KCTD1: variants seen among roughly 807,000 people sequenced by gnomAD.
KCTD1 encodes the protein BTB/POZ domain-containing protein KCTD1.
Under a neutral mutation model 66.0 loss-of-function variants are expected in KCTD1, and 24 were observed. The observed-to-expected ratio is 0.36, with a 90% CI of 0.26 to 0.51. KCTD1 has a LOEUF of 0.51. KCTD1 is among the 20% of genes least tolerant of loss of function. The pLI, the probability that KCTD1 is intolerant of heterozygous loss-of-function variation, is 0.95. For synonymous variants in KCTD1, 511 were observed against 517.2 expected, an observed-to-expected ratio of 0.99 and a Z score of 0.16; for missense variants, 943 against 1,205.2, an observed-to-expected ratio of 0.78 and a Z score of 3.22.
chr18:26,494,666 G>A (rs1982374854), intron 2 of KCTD1, among the ~76,000 whole-genome samples: 1 of 152,100 alleles, frequency 6.6e-6, no homozygotes, highest in Admixed American at 6.6e-5. Flanking sequence ...TAACTGAGGA[G>A]CAATTTTGGA....
intron 1 of KCTD1, among the ~76,000 whole-genome samples, chr18:26,597,851 A>T (rs1419755788): frequency 6.6e-6 from 1 of 152,174 alleles, no homozygotes; most frequent in Non-Finnish European, 1.5e-5. Context: ...ACAGGGTATC[A>T]TCGTGTTAGC....
At chr18:26,519,967 C>T (rs748600780) in intron 1 of KCTD1, among the ~76,000 whole-genome samples, 4 of 152,182 alleles carry the variant, frequency 2.6e-5, no homozygotes, top group Non-Finnish European at 5.9e-5. Flanking sequence ...ACAGCTCTAG[C>T]GAGAGCCTAT....
chr18:26,646,999 G>C (rs1472559214), intron 1 of KCTD1, among the ~76,000 whole-genome samples: 1 of 152,058 alleles, frequency 6.6e-6, no homozygotes, highest in Admixed American at 6.6e-5. Flanking sequence ...ATACATGATT[G>C]GTCAGGTCTC....
intron 1 of KCTD1, among the ~76,000 whole-genome samples, chr18:26,621,681 T>A (rs1485757690): frequency 6.6e-6 from 1 of 152,228 alleles, no homozygotes; most frequent in South Asian, 2.1e-4. Context: ...TCTTTGCTAA[T>A]GGTATTCTTT....
intron 1 of KCTD1, among the ~76,000 whole-genome samples, chr18:26,546,326 T>C (rs931774666): frequency 2.0e-5 from 3 of 152,150 alleles, no homozygotes; most frequent in African/African-American, 4.8e-5. Context: ...GAATACGTAA[T>C]AGAGTCTTTT....
At chr18:26,556,310 C>T (rs551677421) in intron 1 of KCTD1, among the ~76,000 whole-genome samples, 21 of 152,214 alleles carry the variant, frequency 1.4e-4, no homozygotes, top group African/African-American at 4.8e-4. Context: ...GTTTGCAGAG[C>T]CAGGGCATCA....
At chr18:26,577,911 G>A (rs527945728) in intron 1 of KCTD1, among the ~76,000 whole-genome samples, 48 of 152,186 alleles carry the variant, frequency 3.2e-4, no homozygotes, top group African/African-American at 1.1e-3. Context: ...AAATACAATG[G>A]TGTCTGTGAT....
At chr18:26,655,516 C>G (rs935598804) in intron 1 of KCTD1, among the ~76,000 whole-genome samples, 2 of 152,176 alleles carry the variant, frequency 1.3e-5, no homozygotes, top group African/African-American at 4.8e-5. Flanking sequence ...GTTCTATTAT[C>G]TAAAAGGTAA....
At chr18:26,627,291 TG>T (rs1987523159) in intron 1 of KCTD1, among the ~76,000 whole-genome samples, 1 of 151,198 alleles carries the variant, frequency 6.6e-6, no homozygotes, top group Non-Finnish European at 1.5e-5. Flanking sequence ...TGTGTGTGTG[TG>T]TGTGTGTGTG....
At chr18:26,537,944 T>G (rs1984787496) in intron 1 of KCTD1, among the ~76,000 whole-genome samples, 1 of 152,222 alleles carries the variant, frequency 6.6e-6, no homozygotes, top group African/African-American at 2.4e-5. Context: ...AGTGCTAATT[T>G]TTTAGCACTA....
chr18:26,481,867 A>T (rs1013154169), intron 2 of KCTD1, among the ~76,000 whole-genome samples: 6 of 152,098 alleles, frequency 3.9e-5, no homozygotes, highest in African/African-American at 7.2e-5. Context: ...ATTTTTTTTA[A>T]AAAAAACTCT....
At chr18:26,613,063 G>A (rs577157788) in intron 1 of KCTD1, among the ~76,000 whole-genome samples, 1 of 152,300 alleles carries the variant, frequency 6.6e-6, no homozygotes, top group South Asian at 2.1e-4. Context: ...TGAGACCAGA[G>A]ACCTTTGTGC....
At chr18:26,653,518 C>T (rs892321666) in intron 1 of KCTD1, among the ~76,000 whole-genome samples, 2 of 152,188 alleles carry the variant, frequency 1.3e-5, no homozygotes, top group African/African-American at 2.4e-5. Context: ...TTCAGTTATT[C>T]GATGAATGTC....
chr18:26,472,441 A>G (rs1481773941), intron 3 of KCTD1, among the ~76,000 whole-genome samples: 1 of 152,180 alleles, frequency 6.6e-6, no homozygotes, highest in Non-Finnish European at 1.5e-5. Context: ...TTAATGACTT[A>G]AGTCATATGT....
rs139319145 is a variant in KCTD1 at position 26,455,808 on chromosome 18, G to A, written c.2533C>T (p.Arg845Trp). The A allele has an allele frequency of 2.2e-5, 35 of 1,614,004 alleles. No homozygotes were observed. In the African/African-American group the frequency reaches 3.6e-4, roughly 17 times the overall value. Residue 845 changes from arginine (R) to tryptophan (W), a missense_variant, in exon 5 of 5, where the codon CGG becomes TGG. Coordinates refer to ENST00000580059, the MANE Select transcript of KCTD1 (RefSeq NM_001142730.3). ...SSQFSEYVLRRELRRTPRVPS... is the reference protein window; with the variant it reads ...SSQFSEYVLRWELRRTPRVPS... ...ACACGGGGCGTCCGCCTCAGTTCCC[G>A]CCGAAGGACGTATTCGCTGAACTGG...
rs1208202853 is a variant in KCTD1 at position 26,548,371 on chromosome 18, C to T, written c.166G>A (p.Glu56Lys). Residue 56 changes from glutamate to lysine, a missense_variant, in exon 1 of 5, where the codon GAG becomes AAG. Transcript: ENST00000580059. ...TCCTCCTCCTCCTCTTCCTCCTCCT[C>T]CTCGCCCGCGCTGCAGTAGTGCGGA... The part of the protein sequence containing the change: ...SRPHYCSAGE[E>K]EEEEEEEDEI... The T allele has an allele frequency of 1.4e-6, 2 of 1,481,252 alleles. No homozygotes were observed. Among genetic ancestry groups the T allele is most frequent in the Non-Finnish European group, 1.8e-6 (2 of 1,117,190 alleles). The allele number at this position is 1,481,252 out of a possible 1,614,324, so 91.8% of individuals were successfully genotyped here. A position where few individuals can be genotyped will look rare whatever the true frequency, so the allele number is the denominator to read the frequency against.
At chr18:26,636,648 G>A (rs952163965) in intron 1 of KCTD1, among the ~76,000 whole-genome samples, 16 of 152,222 alleles carry the variant, frequency 1.1e-4, no homozygotes, top group South Asian at 4.1e-4. Flanking sequence ...ATACCTGAGC[G>A]TTGGGGTCAT....
intron 1 of KCTD1, among the ~76,000 whole-genome samples, chr18:26,616,141 C>A (rs980568447): frequency 7.2e-6 from 1 of 138,112 alleles, no homozygotes; most frequent in African/African-American, 2.7e-5. Flanking sequence ...TTAAGTGTTT[C>A]TTTTTTTTTT....
rs61521451 is a variant in KCTD1 at position 26,601,326 on chromosome 18, T to TAAAAAAA, written c.-16+27814_-16+27820dup. ...GCCAGTAAATAAAAGTGTTCATTGG[T>TAAAAAAA]AAAAAAAAAAAAAAAAAAAAAAAGA... On this transcript the variant is annotated intron_variant, in intron 1 of 4. Transcript: ENST00000317932. Among the ~76,000 whole-genome samples, 100 of 93,254 alleles carry TAAAAAAA rather than the reference T, an allele frequency of 1.1e-3. 1 individual carries two copies. Among genetic ancestry groups the TAAAAAAA allele is most frequent in the African/African-American group, 3.8e-3 (89 of 23,298 alleles). 61.2% of individuals were successfully genotyped at this position (93,254 alleles called of 152,430 possible).
Sources: gnomAD v4.1 joint callset for allele counts (sites outside exome capture counted in the v4.1 genomes callset) on GRCh38, gnomAD v4.1.1 for gene constraint, MANE v1.5 for transcripts, NCBI Gene and HGNC (gene_info 2026-07-23, HGNC 2026-07-21) for gene names.